SIGMAR1: variants seen among roughly 807,000 people sequenced by gnomAD.
The protein encoded by SIGMAR1 is sigma non-opioid intracellular receptor 1.
In SIGMAR1, 18 loss-of-function variants were observed where a neutral mutation model predicts 25.4. The observed-to-expected ratio is 0.71, with a 90% CI of 0.49 to 1.05. The LOEUF is 1.05. SIGMAR1 is among the 50% of genes least tolerant of loss of function. The pLI, the probability that SIGMAR1 is intolerant of heterozygous loss-of-function variation, is 0.00. For missense variants in SIGMAR1, 249 were observed against 301.6 expected, an observed-to-expected ratio of 0.83 and a Z score of 1.29; for synonymous variants, 125 against 131.6, an observed-to-expected ratio of 0.95 and a Z score of 0.34.
At position 34,637,332 on chromosome 9, in the gene SIGMAR1, C is replaced by A; in HGVS notation, c.240G>T (p.Gln80His). 1 of 1,604,514 alleles carries A rather than the reference C, an allele frequency of 6.2e-7. No homozygotes were observed. Residue 80 changes from glutamine to histidine, a missense_variant, in exon 2 of 4, where the codon CAG (glutamine) becomes CAT (histidine). Gln to His is a conservative substitution (Grantham distance 24). Transcript: ENST00000277010. ...AGCCACCCGCATTCACGAACACCCA[C>A]TGCAGCTCCTCGTCGGGCAGCACGT... ...PGHVLPDEEL[Q>H]WVFVNAGGWM...
Position 34,635,418 on chromosome 9 carries a change from C to T in SIGMAR1, c.*214G>A, listed in dbSNP as rs1013670793. On this transcript the variant is annotated 3_prime_UTR_variant, in exon 4 of 4. Transcript: ENST00000277010. The surrounding 1 kb of genome is among the most constrained non-coding windows in gnomAD (Gnocchi z 4.5). ...AGATGGGTGTGAGTGCATGGTCCTA[C>T]TGTACACACAGGTCTCAGTATCTAT... 4.5e-5 allele frequency: 32 copies of T among 705,084 alleles called. No individual in the cohort carries two copies. In the African/African-American group the frequency reaches 5.0e-4, roughly 11 times the overall value. The allele number at this position is 705,084 out of a possible 1,614,324, so 43.7% of individuals were successfully genotyped here.
intron 1 of SIGMAR1, 30 bp downstream of exon 1, chr9:34,637,517 C>T: frequency 1.9e-6 from 3 of 1,582,950 alleles, no homozygotes; most frequent in Middle Eastern, 1.7e-4. Context: ...CCAGGCCGGC[C>T]GCTCCCCTCC....
At position 34,635,664 on chromosome 9, in the gene SIGMAR1, G is replaced by A; in HGVS notation, c.640C>T (p.Leu214Phe). ...TCCTGGCCAAAGAGGTAGGTGGTGA[G>A]CTCAAGCCGGAGGCCCCGAGCATAG... is the stretch of plus-strand genomic sequence containing the variant. The part of the protein sequence containing the change: ...RSYARGLRLE[L>F]TTYLFGQDP The change falls in exon 4 of 4, where the codon CTC becomes TTC. Residue 214 changes from leucine to phenylalanine, a missense_variant. By Grantham distance (22) the Leu-to-Phe change is conservative. Transcript: ENST00000277010. The surrounding 1 kb of genome is among the most constrained non-coding windows in gnomAD (Gnocchi z 4.5). 1.2e-6 allele frequency: 2 copies of A among 1,614,238 alleles called. No homozygotes were observed. The highest frequency in any genetic ancestry group is 1.7e-6 in the Non-Finnish European group (2 of 1,180,036).
At position 34,635,700 on chromosome 9, in the gene SIGMAR1, T is replaced by C; in HGVS notation, c.604A>G (p.Thr202Ala). The change falls in exon 4 of 4, where the codon ACT becomes GCT. Residue 202 changes from threonine (T) to alanine (A), a missense_variant. Physicochemically the swap from Thr to Ala is moderately conservative, Grantham distance 58. Transcript: ENST00000277010. This position sits in a 1 kb window ranked among gnomAD's most constrained non-coding sequence, Gnocchi z 4.5. The stretch of plus-strand genomic sequence containing the variant: ...AGGCCCCGAGCATAGGAGCGAAGAG[T>C]ATAGAAGAGGGTGAGGAAGTCCTGG... ...STQDFLTLFY[T>A]LRSYARGLRL... The C allele has an allele frequency of 6.2e-7, 1 of 1,613,766 alleles. No homozygotes were observed. The highest frequency in any genetic ancestry group is 8.5e-7 in the Non-Finnish European group (1 of 1,179,946).
Position 34,637,762 on chromosome 9 carries a change from G to T in SIGMAR1, c.-65C>A, listed in dbSNP as rs932631229. ...CCGGGGCCTGAGGCTTTGCGCTCAC[G>T]GCCTCGGAGCCCGCCGGCTGCCCAC... On this transcript the variant is annotated 5_prime_UTR_variant, in exon 1 of 4. Coordinates refer to ENST00000277010, the MANE Select transcript of SIGMAR1 (RefSeq NM_005866.4). The T allele has an allele frequency of 1.0e-5, 12 of 1,202,648 alleles. No homozygotes were observed. The highest frequency in any genetic ancestry group is 3.2e-5 in the African/African-American group (2 of 61,782). The allele number at this position is 1,202,648 out of a possible 1,614,324, so 74.5% of individuals were successfully genotyped here.
chr9:34,637,736 G>C lies in SIGMAR1; in HGVS notation c.-39C>G, dbSNP rs1029671684. The C allele has an allele frequency of 7.8e-6, 11 of 1,408,230 alleles. No homozygotes were observed. The highest frequency in any genetic ancestry group is 2.5e-4 in the Middle Eastern group (1 of 4,058). The allele number at this position is 1,408,230 out of a possible 1,614,324, so 87.2% of individuals were successfully genotyped here. Reference sequence around the variant, plus strand: ...CTGGCACGGCGCAGCTCAGGAGGGAGCCGGGGCCTGAGGCTTTGCGCTCAC... The same window carrying C: ...CTGGCACGGCGCAGCTCAGGAGGGACCCGGGGCCTGAGGCTTTGCGCTCAC... On this transcript the variant is annotated 5_prime_UTR_variant, in exon 1 of 4. Coordinates refer to ENST00000277010, the MANE Select transcript of SIGMAR1 (RefSeq NM_005866.4).
In SIGMAR1 at chr9:34,637,232, G is replaced by C; in HGVS notation, c.340C>G (p.Arg114Gly). ...VLLFGTALGS[R>G]GHSGRYWAEI... ...CGCTAGCACTGACCCGAGTGGCCGCGGGAGCCCAAGGCGGTGCCGAAGAGC... is the reference window on the plus strand; with the variant it reads ...CGCTAGCACTGACCCGAGTGGCCGCCGGAGCCCAAGGCGGTGCCGAAGAGC... Residue 114 changes from arginine to glycine, a missense_variant, in exon 2 of 4, where the codon CGC becomes GGC. Coordinates refer to ENST00000277010, the MANE Select transcript of SIGMAR1 (RefSeq NM_005866.4). 6.4e-7 allele frequency: 1 copy of C among 1,559,028 alleles called. No homozygotes were observed.
chr9:34,636,492 G>A (rs1401839960), intron 3 of SIGMAR1, among the ~76,000 whole-genome samples: 2 of 151,938 alleles, frequency 1.3e-5, no homozygotes, highest in African/African-American at 2.4e-5. Context: ...AAAATTAGCC[G>A]GGCGTGGTGG....
chr9:34,636,966 C>T, intron 3 of SIGMAR1, 31 bp downstream of exon 3: 1 of 1,583,964 alleles, frequency 6.3e-7, no homozygotes, highest in Non-Finnish European at 8.7e-7. Context: ...CGTGAAGGGA[C>T]CCACTTCTCT....
At chr9:34,636,637 AAAAC>A (rs1356633195) in intron 3 of SIGMAR1, 2 of 352,668 alleles carry the variant, frequency 5.7e-6, no homozygotes, top group African/African-American at 2.1e-5. Flanking sequence ...TCCATCTCAA[AAAAC>A]AAACAAATAA....
In SIGMAR1 at chr9:34,635,803, G is replaced by A. The variant is rs1564095119; in HGVS notation, c.501C>T (p.Asn167=). 3 of 1,614,098 alleles carry A rather than the reference G, an allele frequency of 1.9e-6. No individual in the cohort carries two copies. Among genetic ancestry groups the A allele is most frequent in the Non-Finnish European group, 2.5e-6 (3 of 1,180,044 alleles). ...CCCGGCCGTACTCCACCATCCATGTGTTTGGCCCCCACTCCACAGCTGTTG... is the reference window on the plus strand; with the variant it reads ...CCCGGCCGTACTCCACCATCCATGTATTTGGCCCCCACTCCACAGCTGTTG... ...GEATAVEWGP[N]TWMVEYGRGV... The change falls in exon 4 of 4, where the codon AAC becomes AAT. Residue 167 remains asparagine (N), a synonymous_variant. Transcript: ENST00000277010. The surrounding 1 kb of genome is among the most constrained non-coding windows in gnomAD (Gnocchi z 4.5).
rs796065352 is a variant in SIGMAR1, at chr9:34,637,546, C to A, written c.151+1G>T. 3 of 1,585,160 alleles carry A rather than the reference C, an allele frequency of 1.9e-6. No individual in the cohort carries two copies. In the South Asian group the frequency reaches 3.4e-5, roughly 18 times the overall value. On this transcript the variant is annotated splice_donor_variant, in intron 1 of 3. Coordinates refer to ENST00000277010, the MANE Select transcript of SIGMAR1 (RefSeq NM_005866.4). LOFTEE classifies it high-confidence loss of function. ...CCCCTCCCTGCCCTCTGCCCGCTCACCAGCGTACTGCCGCGCCAACTGCGC... is the reference window on the plus strand; with the variant it reads ...CCCCTCCCTGCCCTCTGCCCGCTCAACAGCGTACTGCCGCGCCAACTGCGC...
In SIGMAR1 at chr9:34,637,480, G is replaced by C. The variant is rs534502479; in HGVS notation, c.152-60C>G. The C allele has an allele frequency of 1.5e-5, 23 of 1,581,752 alleles. No individual in the cohort carries two copies. In the Middle Eastern group the frequency reaches 5.0e-4, roughly 34 times the overall value. Reference sequence around the variant, plus strand: ...GGCACCGGTCCTAGGTCCGGGGATGGCGCCTTCGGAACCCTAGGCTCCGCT... The same window carrying C: ...GGCACCGGTCCTAGGTCCGGGGATGCCGCCTTCGGAACCCTAGGCTCCGCT... On this transcript the variant is annotated intron_variant, in intron 1 of 3. Coordinates refer to ENST00000277010, the MANE Select transcript of SIGMAR1 (RefSeq NM_005866.4).
At chr9:34,636,355 C>T (rs1438978990) in intron 3 of SIGMAR1, among the ~76,000 whole-genome samples, 1 of 148,608 alleles carries the variant, frequency 6.7e-6, no homozygotes, top group Non-Finnish European at 1.5e-5. Flanking sequence ...GGGGAGCGGC[C>T]GGGCGCGGTG....
chr9:34,635,378 G>A lies in SIGMAR1; in HGVS notation c.*254C>T, dbSNP rs563699295. 15 of 536,374 alleles carry A rather than the reference G, an allele frequency of 2.8e-5. No homozygotes were observed. Among genetic ancestry groups the A allele is most frequent in the Middle Eastern group, 5.2e-4 (1 of 1,908 alleles). 33.2% of individuals were successfully genotyped at this position (536,374 alleles called of 1,614,324 possible). A position where few individuals can be genotyped will look rare whatever the true frequency, so the allele number is the denominator to read the frequency against. ...ACACAACTGGCTCCCTTGGTATACCGGGGGCTCCCTCTCCAGATGGGTGTG... is the reference window on the plus strand; with the variant it reads ...ACACAACTGGCTCCCTTGGTATACCAGGGGCTCCCTCTCCAGATGGGTGTG... On this transcript the variant is annotated 3_prime_UTR_variant, in exon 4 of 4. Coordinates refer to ENST00000277010, the MANE Select transcript of SIGMAR1 (RefSeq NM_005866.4). The surrounding 1 kb of genome is among the most constrained non-coding windows in gnomAD (Gnocchi z 4.5).
At chr9:34,636,750 T>A in intron 3 of SIGMAR1, 1 of 584,124 alleles carries the variant, frequency 1.7e-6, no homozygotes, top group South Asian at 2.0e-5. Context: ...GGCAAAATTG[T>A]GCCTGGGCAG....
In SIGMAR1 at chr9:34,636,979, CAG is replaced by C; in HGVS notation, c.445+16_445+17del. On this transcript the variant is annotated intron_variant, in intron 3 of 3. Coordinates refer to ENST00000277010, the MANE Select transcript of SIGMAR1 (RefSeq NM_005866.4). ...CGCGTGAAGGGACCCACTTCTCTGA[CAG>C]AGCCTTCTTACCCACCTGGGTAGAA... 6.2e-7 allele frequency: 1 copy of C among 1,607,476 alleles called. No individual in the cohort carries two copies. Among genetic ancestry groups the C allele is most frequent in the East Asian group, 2.2e-5 (1 of 44,854 alleles).
Position 34,635,661 on chromosome 9 carries a change from T to G in SIGMAR1, c.643A>C (p.Thr215Pro), listed in dbSNP as rs1190046214. ...GGGTCCTGGCCAAAGAGGTAGGTGG[T>G]GAGCTCAAGCCGGAGGCCCCGAGCA... ...SYARGLRLEL[T>P]TYLFGQDP Residue 215 changes from threonine to proline, a missense_variant, in exon 4 of 4, where the codon ACC (threonine) becomes CCC (proline). Physicochemically the swap from Thr to Pro is conservative, Grantham distance 38 (BLOSUM62 -1). Transcript: ENST00000277010. This position sits in a 1 kb window ranked among gnomAD's most constrained non-coding sequence, Gnocchi z 4.5. 1.2e-6 allele frequency: 2 copies of G among 1,614,154 alleles called. No homozygotes were observed. Among genetic ancestry groups the G allele is most frequent in the Non-Finnish European group, 1.7e-6 (2 of 1,180,008 alleles).
chr9:34,636,981 G>C lies in SIGMAR1; in HGVS notation c.445+16C>G, dbSNP rs757271057. Reference sequence around the variant, plus strand: ...CGTGAAGGGACCCACTTCTCTGACAGAGCCTTCTTACCCACCTGGGTAGAA... The same window carrying C: ...CGTGAAGGGACCCACTTCTCTGACACAGCCTTCTTACCCACCTGGGTAGAA... On this transcript the variant is annotated intron_variant, in intron 3 of 3. Transcript: ENST00000277010. 3.1e-6 allele frequency: 5 copies of C among 1,607,586 alleles called. No individual in the cohort carries two copies. The highest frequency in any genetic ancestry group is 1.1e-5 in the South Asian group (1 of 90,722).
Sources: gnomAD v4.1 joint callset for allele counts (sites outside exome capture counted in the v4.1 genomes callset) on GRCh38, gnomAD v4.1.1 for gene constraint, Gnocchi (gnomAD v3.1) non-coding constraint, MANE v1.5 for transcripts, NCBI Gene and HGNC (gene_info 2026-07-23, HGNC 2026-07-21) for gene names.